The following SLC24A2 variants were observed in gnomAD, a reference collection of about 807,000 sequenced individuals.
SLC24A2 encodes the protein solute carrier family 24 member 2, also known as sodium/potassium/calcium exchanger 2.
A neutral mutation model predicts 62.0 loss-of-function variants in SLC24A2; 36 were observed. That is an observed-to-expected ratio of 0.58 (90% CI 0.44 to 0.77). The LOEUF is 0.77. Among genes scored for constraint, SLC24A2 ranks in the 30% least tolerant of loss-of-function variants. The probability of loss-of-function intolerance (pLI) is 0.00; values close to 1 mark genes in which losing one functional copy is unlikely to be tolerated. For missense variants in SLC24A2, 846 were observed against 817.9 expected, an observed-to-expected ratio of 1.03 and a Z score of -0.42; for synonymous variants, 358 against 294.0, an observed-to-expected ratio of 1.22 and a Z score of -2.23.
the SLC24A2 span, among the ~76,000 whole-genome samples, chr9:20,185,861 G>A: frequency 6.6e-6 from 1 of 151,934 alleles, no homozygotes; most frequent in Non-Finnish European, 1.5e-5. Flanking sequence ...AAGCTTAATT[G>A]GAAAAGCAGA....
intron 10 of SLC24A2, among the ~76,000 whole-genome samples, chr9:19,518,843 G>C (rs1461398066): frequency 6.6e-6 from 1 of 152,162 alleles, no homozygotes; most frequent in East Asian, 1.9e-4. Context: ...TCAGTATATT[G>C]TCAAAAATGT....
chr9:20,069,301 A>G, the SLC24A2 span, among the ~76,000 whole-genome samples: 1 of 152,188 alleles, frequency 6.6e-6, no homozygotes, highest in Non-Finnish European at 1.5e-5. Context: ...TTCGCCTCCT[A>G]TATTGATTTA....
At chr9:19,968,239 G>A in the SLC24A2 span, among the ~76,000 whole-genome samples, 2 of 152,112 alleles carry the variant, frequency 1.3e-5, no homozygotes, top group Non-Finnish European at 2.9e-5. Context: ...GAGCACACCA[G>A]GGAGCCCACA....
chr9:20,222,931 G>T, the SLC24A2 span, among the ~76,000 whole-genome samples: 1 of 151,100 alleles, frequency 6.6e-6, no homozygotes, highest in African/African-American at 2.4e-5. Context: ...TATTAAATAA[G>T]AAGAAAAAAA....
the SLC24A2 span, among the ~76,000 whole-genome samples, chr9:20,281,800 G>T: frequency 1.3e-5 from 2 of 152,050 alleles, no homozygotes; most frequent in Non-Finnish European, 2.9e-5. Context: ...ATAGCTTTTG[G>T]CAAACATACA....
the SLC24A2 span, among the ~76,000 whole-genome samples, chr9:20,279,948 T>C: frequency 6.6e-6 from 1 of 152,228 alleles, no homozygotes; most frequent in African/African-American, 2.4e-5. Flanking sequence ...ATCAGGACTT[T>C]GAGATTCAGC....
chr9:19,858,934 G>A, the SLC24A2 span, among the ~76,000 whole-genome samples: 1 of 152,326 alleles, frequency 6.6e-6, no homozygotes, highest in African/African-American at 2.4e-5. Context: ...GTGGATATCA[G>A]TGTGGCAATT....
At chr9:20,261,489 C>A in the SLC24A2 span, among the ~76,000 whole-genome samples, 1 of 152,072 alleles carries the variant, frequency 6.6e-6, no homozygotes, top group Non-Finnish European at 1.5e-5. Flanking sequence ...AACTAACCCA[C>A]TCCTACAATA....
At chr9:19,680,319 C>T (rs1356044999) in intron 2 of SLC24A2, among the ~76,000 whole-genome samples, 2 of 152,050 alleles carry the variant, frequency 1.3e-5, no homozygotes, top group Non-Finnish European at 2.9e-5. Flanking sequence ...ACAGTCTACG[C>T]AAAGGCATGG....
chr9:20,110,408 G>A, the SLC24A2 span, among the ~76,000 whole-genome samples: 2 of 151,626 alleles, frequency 1.3e-5, no homozygotes, highest in African/African-American at 2.4e-5. Context: ...TCAAATCAAC[G>A]CCAAAATAAA....
the SLC24A2 span, among the ~76,000 whole-genome samples, chr9:20,011,853 G>A: frequency 6.6e-6 from 1 of 152,024 alleles, no homozygotes; most frequent in African/African-American, 2.4e-5. Flanking sequence ...TGATCAAGAG[G>A]GATTTATCCC....
the SLC24A2 span, among the ~76,000 whole-genome samples, chr9:20,063,900 C>A: frequency 2.0e-5 from 3 of 152,108 alleles, no homozygotes; most frequent in Non-Finnish European, 4.4e-5. Context: ...ATGGTACATC[C>A]ACTACCCAAA....
the SLC24A2 span, among the ~76,000 whole-genome samples, chr9:20,264,415 G>A: frequency 0.034 from 5,173 of 152,306 alleles, 122 homozygotes; most frequent in African/African-American, 0.049. Flanking sequence ...CCTGCTTCAT[G>A]TGTTGCAGCT....
At chr9:20,305,904 C>T in the SLC24A2 span, among the ~76,000 whole-genome samples, 2 of 152,110 alleles carry the variant, frequency 1.3e-5, no homozygotes, top group Non-Finnish European at 2.9e-5. Context: ...CTTCAGAGGC[C>T]TCTCTCCTTG....
the SLC24A2 span, among the ~76,000 whole-genome samples, chr9:20,154,835 G>C: frequency 6.6e-6 from 1 of 151,696 alleles, no homozygotes; most frequent in African/African-American, 2.4e-5. Flanking sequence ...CATCCTCTGT[G>C]TGTCACGGCC....
intron 2 of SLC24A2, among the ~76,000 whole-genome samples, chr9:19,778,813 A>G (rs763785936): frequency 6.6e-6 from 1 of 152,236 alleles, no homozygotes; most frequent in Non-Finnish European, 1.5e-5. Context: ...TTAAGAATCA[A>G]TAAAACAACA....
the SLC24A2 span, among the ~76,000 whole-genome samples, chr9:20,163,449 G>T: frequency 1.3e-5 from 2 of 152,096 alleles, no homozygotes; most frequent in African/African-American, 4.8e-5. Context: ...TCTTCAAGGA[G>T]AACTACAAAC....
intron 2 of SLC24A2, among the ~76,000 whole-genome samples, chr9:19,637,572 G>A (rs971584975): frequency 1.4e-4 from 21 of 152,200 alleles, no homozygotes; most frequent in African/African-American, 4.8e-4. Context: ...TTTTGGAAAT[G>A]GGTGCACTTC....
the SLC24A2 span, among the ~76,000 whole-genome samples, chr9:20,017,079 G>A: frequency 6.6e-6 from 1 of 152,160 alleles, no homozygotes; most frequent in Non-Finnish European, 1.5e-5. Flanking sequence ...CTGGAGTGCA[G>A]TGGCATGATC....
Sources: allele counts gnomAD v4.1 joint callset (sites outside exome capture counted in the v4.1 genomes callset), GRCh38; gene constraint gnomAD v4.1.1; transcripts MANE v1.5; gene names NCBI Gene and HGNC (gene_info 2026-07-23, HGNC 2026-07-21).